The following PRR16 variants were observed in gnomAD, a reference collection of about 807,000 sequenced individuals.
PRR16 encodes the protein proline rich 16.
Under a neutral mutation model 18.2 loss-of-function variants are expected in PRR16, and 6 were observed. That is an observed-to-expected ratio of 0.33 (90% CI 0.18 to 0.65). PRR16 has a LOEUF of 0.65. PRR16 is among the 30% of genes least tolerant of loss of function. The pLI is 0.74. For missense variants in PRR16, 412 were observed against 376.6 expected (o/e 1.09, Z -0.78); for synonymous variants, 151 against 147.8 (o/e 1.02, Z -0.16).
At chr5:120,721,175 G>A in the PRR16 span, among the ~76,000 whole-genome samples, 1 of 152,078 alleles carries the variant, frequency 6.6e-6, no homozygotes, top group African/African-American at 2.4e-5. Flanking sequence ...TTTATTCAGT[G>A]ACTATTATTT....
chr5:120,708,204 G>A, the PRR16 span, among the ~76,000 whole-genome samples: 4 of 151,980 alleles, frequency 2.6e-5, no homozygotes, highest in African/African-American at 9.7e-5. Context: ...ATTTGCCTTG[G>A]GAATTCCCAG....
chr5:120,750,673 A>T, the PRR16 span, among the ~76,000 whole-genome samples: 5 of 152,106 alleles, frequency 3.3e-5, no homozygotes, highest in Admixed American at 3.3e-4. Flanking sequence ...TCTCAAAAAA[A>T]AAAATTATGG....
At chr5:120,713,695 T>C in the PRR16 span, among the ~76,000 whole-genome samples, 2 of 152,326 alleles carry the variant, frequency 1.3e-5, no homozygotes, top group Non-Finnish European at 2.9e-5. Flanking sequence ...TTTCGCTCAG[T>C]AGTTTTTCCT....
the PRR16 span, among the ~76,000 whole-genome samples, chr5:120,711,111 A>G: frequency 6.6e-6 from 1 of 152,128 alleles, no homozygotes; most frequent in Non-Finnish European, 1.5e-5. Context: ...CTTTTGTTAT[A>G]TTGGTCTCAC....
At chr5:120,504,741 G>C (rs1013250323) in intron 1 of PRR16, among the ~76,000 whole-genome samples, 1 of 152,122 alleles carries the variant, frequency 6.6e-6, no homozygotes, top group Non-Finnish European at 1.5e-5. Flanking sequence ...GATCCCCTTT[G>C]AAGCCAAGAC....
At chr5:120,757,783 C>T in the PRR16 span, among the ~76,000 whole-genome samples, 13 of 151,906 alleles carry the variant, frequency 8.6e-5, no homozygotes, top group Admixed American at 8.5e-4. Flanking sequence ...TCTCTTACTG[C>T]TTTTATTTTG....
At chr5:120,719,083 G>A in the PRR16 span, among the ~76,000 whole-genome samples, 45 of 152,036 alleles carry the variant, frequency 3.0e-4, no homozygotes, top group African/African-American at 8.2e-4. Context: ...AGTGCATTAA[G>A]TTTTGACAAA....
At chr5:120,629,131 G>A (rs560895530) in intron 1 of PRR16, among the ~76,000 whole-genome samples, 4 of 152,108 alleles carry the variant, frequency 2.6e-5, no homozygotes, top group Admixed American at 1.3e-4. Flanking sequence ...AGAACATGTC[G>A]TATTTGGTTT....
the PRR16 span, among the ~76,000 whole-genome samples, chr5:120,746,276 G>A: frequency 6.6e-6 from 1 of 151,998 alleles, no homozygotes; most frequent in East Asian, 1.9e-4. Context: ...TGATACTGAG[G>A]GAAATGAGAT....
At chr5:120,718,699 G>A in the PRR16 span, among the ~76,000 whole-genome samples, 1 of 152,028 alleles carries the variant, frequency 6.6e-6, no homozygotes, top group African/African-American at 2.4e-5. Context: ...CTCATCCATG[G>A]ATTACATAGT....
At chr5:120,695,657 T>A in the PRR16 span, among the ~76,000 whole-genome samples, 1 of 152,170 alleles carries the variant, frequency 6.6e-6, no homozygotes, top group East Asian at 1.9e-4. Context: ...ATCTGCTATT[T>A]AAAATTCTTA....
the PRR16 span, chr5:120,781,355 A>G: frequency 6.6e-6 from 1 of 152,218 alleles, no homozygotes; most frequent in East Asian, 1.9e-4. Context: ...AGAAACGGGT[A>G]GACCTGGGTA....
At chr5:120,625,793 T>A (rs2112829750) in intron 1 of PRR16, among the ~76,000 whole-genome samples, 1 of 148,550 alleles carries the variant, frequency 6.7e-6, no homozygotes, top group Admixed American at 6.6e-5. Flanking sequence ...ACCACTTTCT[T>A]AATGTATTTA....
At chr5:120,651,503 A>G (rs1397738976) in intron 1 of PRR16, among the ~76,000 whole-genome samples, 2 of 152,024 alleles carry the variant, frequency 1.3e-5, no homozygotes, top group Non-Finnish European at 2.9e-5. Context: ...ATTAATTTTC[A>G]TATAAGGTGT....
At chr5:120,745,577 T>C in the PRR16 span, among the ~76,000 whole-genome samples, 2 of 151,794 alleles carry the variant, frequency 1.3e-5, no homozygotes, top group Non-Finnish European at 3.0e-5. Context: ...ACAAATACTG[T>C]CTTTCTCTGG....
At chr5:120,632,211 CTG>C (rs1213071779) in intron 1 of PRR16, among the ~76,000 whole-genome samples, 8 of 152,196 alleles carry the variant, frequency 5.3e-5, no homozygotes, top group African/African-American at 1.9e-4. Context: ...AGGGAGCACT[CTG>C]TGGAACAAAA....
At chr5:120,476,829 A>T (rs1292114165) in intron 1 of PRR16, among the ~76,000 whole-genome samples, 3 of 152,172 alleles carry the variant, frequency 2.0e-5, no homozygotes, top group East Asian at 1.9e-4. Flanking sequence ...AAAATAAAAA[A>T]AAACTTGGAA....
intron 1 of PRR16, among the ~76,000 whole-genome samples, chr5:120,553,245 G>T (rs1029835937): frequency 6.6e-6 from 1 of 151,760 alleles, no homozygotes; most frequent in African/African-American, 2.4e-5. Flanking sequence ...AATAAATTAA[G>T]GACTAGTCTG....
intron 1 of PRR16, among the ~76,000 whole-genome samples, chr5:120,613,336 C>G (rs1290579448): frequency 6.6e-6 from 1 of 150,524 alleles, no homozygotes; most frequent in Non-Finnish European, 1.5e-5. Context: ...TTTTTGGTAA[C>G]TTCAGTGGAA....
Sources: allele counts gnomAD v4.1 joint callset (sites outside exome capture counted in the v4.1 genomes callset), GRCh38; gene constraint gnomAD v4.1.1; transcripts MANE v1.5; gene names NCBI Gene and HGNC (gene_info 2026-07-23, HGNC 2026-07-21).